POU6F2: variants seen among roughly 807,000 people sequenced by gnomAD.
POU6F2 encodes POU domain, class 6, transcription factor 2.
In POU6F2, 31 loss-of-function variants were observed where a neutral mutation model predicts 71.3. That is an observed-to-expected ratio of 0.43 (90% confidence interval 0.33 to 0.59). POU6F2 has a LOEUF of 0.59. POU6F2 is among the 20% of genes least tolerant of loss of function. The probability of loss-of-function intolerance (pLI) is 0.04; values close to 1 mark genes in which losing one functional copy is unlikely to be tolerated. For missense variants in POU6F2, 783 were observed against 856.8 expected (o/e 0.91, Z 1.07); for synonymous variants, 347 against 355.7 (o/e 0.98, Z 0.27).
intron 4 of POU6F2, among the ~76,000 whole-genome samples, chr7:39,250,132 C>G (rs1562763066): frequency 1.3e-5 from 2 of 152,164 alleles, no homozygotes; most frequent in Admixed American, 6.5e-5. Flanking sequence ...CTACTTCTCT[C>G]CTGCATTTTC....
At chr7:39,024,738 C>A (rs1395191778) in intron 1 of POU6F2, among the ~76,000 whole-genome samples, 1 of 152,134 alleles carries the variant, frequency 6.6e-6, no homozygotes, top group African/African-American at 2.4e-5. Context: ...TTGTCAAAGG[C>A]ATTTTCTGCA....
At chr7:39,238,891 G>T (rs938899266) in intron 4 of POU6F2, among the ~76,000 whole-genome samples, 1 of 152,108 alleles carries the variant, frequency 6.6e-6, no homozygotes, top group Non-Finnish European at 1.5e-5. Flanking sequence ...ACACAGAAAC[G>T]TGGGACCAGC....
At chr7:39,278,640 C>T (rs1784504929) in intron 4 of POU6F2, among the ~76,000 whole-genome samples, 1 of 152,116 alleles carries the variant, frequency 6.6e-6, no homozygotes, top group African/African-American at 2.4e-5. Flanking sequence ...TGTAAGGGCT[C>T]TCCTTTCTGA....
chr7:39,091,726 C>T (rs1303052487), intron 2 of POU6F2, among the ~76,000 whole-genome samples: 2 of 152,148 alleles, frequency 1.3e-5, no homozygotes, highest in African/African-American at 4.8e-5. Flanking sequence ...AAGAAGATTG[C>T]TTTCGCTCTT....
intron 4 of POU6F2, among the ~76,000 whole-genome samples, chr7:39,219,798 C>G (rs1300980389): frequency 6.6e-6 from 1 of 152,156 alleles, no homozygotes; most frequent in Non-Finnish European, 1.5e-5. Flanking sequence ...TCCATTAACA[C>G]ATTTTTATGC....
At chr7:39,151,953 G>A (rs944962421) in intron 2 of POU6F2, among the ~76,000 whole-genome samples, 45 of 152,286 alleles carry the variant, frequency 3.0e-4, no homozygotes, top group Admixed American at 1.5e-3. Context: ...AGATTATCAG[G>A]ATGAGAGTAA....
At chr7:39,134,499 C>G (rs961047571) in intron 2 of POU6F2, among the ~76,000 whole-genome samples, 3 of 152,184 alleles carry the variant, frequency 2.0e-5, no homozygotes, top group Non-Finnish European at 2.9e-5. Context: ...TTTCTCTTCC[C>G]TTCTTCATTC....
intron 1 of POU6F2, among the ~76,000 whole-genome samples, chr7:39,039,084 A>G (rs1348086732): frequency 3.3e-5 from 5 of 152,056 alleles, no homozygotes; most frequent in African/African-American, 1.2e-4. Context: ...TTGTATCACA[A>G]TATTGACTCA....
intron 4 of POU6F2, among the ~76,000 whole-genome samples, chr7:39,235,689 C>T (rs544023226): frequency 2.0e-5 from 3 of 152,270 alleles, no homozygotes; most frequent in South Asian, 2.1e-4. Flanking sequence ...GTCACCTAGG[C>T]GTATTGTAAT....
intron 1 of POU6F2, among the ~76,000 whole-genome samples, chr7:38,998,620 T>C (rs558482870): frequency 1.3e-5 from 2 of 151,930 alleles, no homozygotes; most frequent in Non-Finnish European, 2.9e-5. Context: ...TTTAGGAAAA[T>C]TTAAGCAGTA....
intron 6 of POU6F2, among the ~76,000 whole-genome samples, chr7:39,413,943 A>G (rs924645682): frequency 4.6e-5 from 7 of 152,190 alleles, no homozygotes; most frequent in Non-Finnish European, 1.0e-4. Flanking sequence ...CGAGCCCCTC[A>G]AGATGCCCCA....
intron 2 of POU6F2, among the ~76,000 whole-genome samples, chr7:39,149,859 C>A (rs1169187423): frequency 2.0e-5 from 3 of 150,508 alleles, no homozygotes; most frequent in Admixed American, 6.7e-5. Context: ...CAGTTTCATC[C>A]ATTTTGTGGC....
intron 6 of POU6F2, among the ~76,000 whole-genome samples, chr7:39,431,627 A>G (rs1247788860): frequency 6.6e-6 from 1 of 151,970 alleles, no homozygotes; most frequent in Non-Finnish European, 1.5e-5. Flanking sequence ...AGCTAGGGGG[A>G]AGGATGGAAA....
chr7:39,015,916 TATATATAGATATATATA>T (rs1429348780), intron 1 of POU6F2, among the ~76,000 whole-genome samples: 1,794 of 41,006 alleles, frequency 0.044, 112 homozygotes, highest in East Asian at 0.16. Context: ...TATTATATAT[TATATATAGATATATATA>T]ATATATAGAT....
chr7:39,445,425 C>G (rs541863180), intron 7 of POU6F2, among the ~76,000 whole-genome samples: 85 of 152,280 alleles, frequency 5.6e-4, no homozygotes, highest in African/African-American at 1.9e-3. Flanking sequence ...CTGCCAAGTT[C>G]GGCTGATGCA....
At chr7:39,186,191 G>A (rs1793537143) in intron 2 of POU6F2, among the ~76,000 whole-genome samples, 3 of 152,184 alleles carry the variant, frequency 2.0e-5, no homozygotes, top group African/African-American at 7.2e-5. Flanking sequence ...ACTATGACTA[G>A]AGCTCATAGT....
At chr7:39,278,842 G>A (rs1047890621) in intron 4 of POU6F2, among the ~76,000 whole-genome samples, 4 of 152,242 alleles carry the variant, frequency 2.6e-5, no homozygotes, top group South Asian at 2.1e-4. Context: ...GCATATTGCC[G>A]TTCTTAGCCA....
chr7:39,266,695 C>CTTTTTTTTTTT (rs35508359), intron 4 of POU6F2, among the ~76,000 whole-genome samples: 1 of 105,116 alleles, frequency 9.5e-6, no homozygotes, highest in Non-Finnish European at 1.8e-5. Flanking sequence ...CGCACCTGGC[C>CTTTTTTTTTTT]TTTTTTTTTT....
chr7:39,045,908 G>A (rs973223312), intron 1 of POU6F2, among the ~76,000 whole-genome samples: 1 of 151,822 alleles, frequency 6.6e-6, no homozygotes, highest in Non-Finnish European at 1.5e-5. Context: ...AGAGTAATGT[G>A]GCTATGATCA....
Sources: gnomAD v4.1 joint callset for allele counts (sites outside exome capture counted in the v4.1 genomes callset) on GRCh38, gnomAD v4.1.1 for gene constraint, MANE v1.5 for transcripts, NCBI Gene and HGNC (gene_info 2026-07-23, HGNC 2026-07-21) for gene names.